Variants in SULF2 observed in about 807,000 individuals in gnomAD.
The protein encoded by SULF2 is sulfatase 2, also known as extracellular sulfatase Sulf-2.
A neutral mutation model predicts 107.7 loss-of-function variants in SULF2; 52 were observed. That is an observed-to-expected ratio of 0.48 (90% CI 0.39 to 0.61). The LOEUF (loss-of-function observed/expected upper bound fraction) is 0.61. SULF2 is among the 20% of genes least tolerant of loss of function. SULF2 has a pLI of 0.00. For synonymous variants in SULF2, 460 were observed against 464.3 expected, an observed-to-expected ratio of 0.99 and a Z score of 0.12; for missense variants, 993 against 1,177.3, an observed-to-expected ratio of 0.84 and a Z score of 2.29.
At chr20:47,752,183 G>A (rs912999277) in intron 2 of SULF2, among the ~76,000 whole-genome samples, 28 of 152,244 alleles carry the variant, frequency 1.8e-4, no homozygotes, top group Admixed American at 5.2e-4. Context: ...GGCCCAGGGT[G>A]CTCTAACAGA....
intron 7 of SULF2, among the ~76,000 whole-genome samples, chr20:47,682,707 C>G (rs964602939): frequency 6.6e-6 from 1 of 152,186 alleles, no homozygotes; most frequent in African/African-American, 2.4e-5. Context: ...ACCATTCCCA[C>G]CCGCTGGTGA....
At chr20:47,781,471 C>T (rs537024416) in intron 1 of SULF2, among the ~76,000 whole-genome samples, 12 of 152,320 alleles carry the variant, frequency 7.9e-5, no homozygotes, top group South Asian at 2.1e-4. Flanking sequence ...TAGCCAGTGA[C>T]TGGTTTGGAC....
intron 11 of SULF2, among the ~76,000 whole-genome samples, chr20:47,669,273 C>A (rs1176114825): frequency 6.6e-6 from 1 of 152,150 alleles, no homozygotes; most frequent in Non-Finnish European, 1.5e-5. Context: ...TGTGAGCTGG[C>A]TGGCTCTGCC....
At chr20:47,785,226 G>A (rs2090903483) in intron 1 of SULF2, 117 bp downstream of exon 1, 1 of 142,056 alleles carries the variant, frequency 7.0e-6, no homozygotes, top group African/African-American at 2.5e-5. Context: ...ACCAGCCCCG[G>A]CTCACCTGGG....
intron 3 of SULF2, among the ~76,000 whole-genome samples, chr20:47,717,862 G>A (rs1439509726): frequency 6.7e-6 from 1 of 148,168 alleles, no homozygotes; most frequent in Non-Finnish European, 1.5e-5. Flanking sequence ...CACCCAGGCT[G>A]GAGTTCAGTG....
intron 1 of SULF2, among the ~76,000 whole-genome samples, chr20:47,783,970 G>A (rs2090876742): frequency 2.6e-5 from 4 of 152,168 alleles, no homozygotes; most frequent in African/African-American, 9.7e-5. Context: ...TATACTTAAC[G>A]ATTGGCTCTA....
chr20:47,742,606 G>A (rs2089910522), intron 2 of SULF2, among the ~76,000 whole-genome samples: 1 of 152,046 alleles, frequency 6.6e-6, no homozygotes, highest in Admixed American at 6.6e-5. Flanking sequence ...GGCTTTTTGG[G>A]GGCCTGTGTA....
intron 1 of SULF2, among the ~76,000 whole-genome samples, chr20:47,771,992 C>T (rs1600688013): frequency 1.3e-5 from 2 of 152,326 alleles, no homozygotes; most frequent in East Asian, 3.9e-4. Context: ...ATGGTACAGC[C>T]TGATCTGCTC....
intron 3 of SULF2, among the ~76,000 whole-genome samples, chr20:47,722,600 T>G (rs2089324506): frequency 6.6e-6 from 1 of 152,104 alleles, no homozygotes; most frequent in Non-Finnish European, 1.5e-5. Context: ...ACCTGCCTGG[T>G]GCTATTTTTG....
intron 3 of SULF2, among the ~76,000 whole-genome samples, chr20:47,727,903 G>C (rs2089487991): frequency 6.6e-6 from 1 of 152,226 alleles, no homozygotes; most frequent in South Asian, 2.1e-4. Flanking sequence ...GAGAAAGGAA[G>C]TGACTATCAA....
At chr20:47,737,746 C>CTTTTTTTTT (rs1555850608) in intron 2 of SULF2, among the ~76,000 whole-genome samples, 2 of 113,972 alleles carry the variant, frequency 1.8e-5, no homozygotes, top group African/African-American at 6.6e-5. Context: ...TTGTTTCTTT[C>CTTTTTTTTT]TTTTCTTTGT....
rs758150693 is a variant in SULF2 at position 47,684,502 on chromosome 20, T to C, written c.817A>G (p.Met273Val). The change falls in exon 6 of 21, where the codon ATG becomes GTG. Residue 273 changes from methionine (M) to valine (V), a missense_variant. Met to Val is a conservative substitution (Grantham distance 21). Coordinates refer to ENST00000688720, the MANE Select transcript of SULF2 (RefSeq NM_001387048.1). ...CGCTGGAGCATGTTGGTGAATTCCA[T>C]GTGGATGGGCTTCATGGGCCCCGTG... ...RYTGPMKPIH[M>V]EFTNMLQRKR... 5.6e-6 allele frequency: 9 copies of C among 1,614,012 alleles called. No homozygotes were observed. The Middle Eastern group carries it at 5.0e-4, about 89-fold the overall frequency.
Position 47,694,089 on chromosome 20 carries a change from C to A in SULF2, c.568-3794G>T, listed in dbSNP as rs1246217535. On this transcript the variant is annotated intron_variant, in intron 4 of 20. Transcript: ENST00000688720. This position sits in a 1 kb window ranked among gnomAD's most constrained non-coding sequence, Gnocchi z 4.4. ...TAGCTCCGCAATGCCACATGACACACCTGCCTCCAAAGCTGCCACCCTGCT... is the reference window on the plus strand; with the variant it reads ...TAGCTCCGCAATGCCACATGACACAACTGCCTCCAAAGCTGCCACCCTGCT... Among the ~76,000 whole-genome samples the A allele has an allele frequency of 6.6e-6, 1 of 152,254 alleles. No homozygotes were observed. Among genetic ancestry groups the A allele is most frequent in the Non-Finnish European group, 1.5e-5 (1 of 68,044 alleles).
intron 10 of SULF2, among the ~76,000 whole-genome samples, chr20:47,673,899 G>A (rs2087557262): frequency 2.0e-5 from 3 of 152,204 alleles, no homozygotes; most frequent in African/African-American, 4.8e-5. Context: ...AGCTGTGTGC[G>A]CTGGCGAGCA....
At chr20:47,667,014 C>T (rs527271398) in intron 11 of SULF2, among the ~76,000 whole-genome samples, 10 of 152,144 alleles carry the variant, frequency 6.6e-5, no homozygotes, top group South Asian at 2.1e-4. Flanking sequence ...TTTGTGGGTA[C>T]GGGGTTCCCT....
Position 47,666,240 on chromosome 20 carries a change from A to C in SULF2, c.1805+20T>G. The C allele has an allele frequency of 6.2e-7, 1 of 1,610,630 alleles. No homozygotes were observed. ...GTCTGTCCTGTCCCCTTCACCCTCG[A>C]CTTCCACCTGGACACTCACCGATGT... On this transcript the variant is annotated intron_variant, in intron 12 of 20. Transcript: ENST00000688720. This position sits in a 1 kb window ranked among gnomAD's most constrained non-coding sequence, Gnocchi z 5.4.
At chr20:47,659,324 T>A (rs970390590) in intron 20 of SULF2, 75 bp downstream of exon 20, 4 of 1,354,212 alleles carry the variant, frequency 3.0e-6, no homozygotes, top group Non-Finnish European at 3.2e-6. Context: ...AGAAATGGCA[T>A]GCAAATAGAA....
chr20:47,763,828 C>G (rs1009717910), intron 1 of SULF2, among the ~76,000 whole-genome samples: 3 of 152,198 alleles, frequency 2.0e-5, no homozygotes, highest in African/African-American at 4.8e-5. Context: ...CATCAAGCAG[C>G]CAGACAGATC....
At chr20:47,765,143 A>G (rs1383878234) in intron 1 of SULF2, among the ~76,000 whole-genome samples, 1 of 152,080 alleles carries the variant, frequency 6.6e-6, no homozygotes, top group Non-Finnish European at 1.5e-5. Flanking sequence ...CGAGGTCAGG[A>G]GATCGAGACC....
Sources: gnomAD v4.1 joint callset for allele counts (sites outside exome capture counted in the v4.1 genomes callset) on GRCh38, gnomAD v4.1.1 for gene constraint, Gnocchi (gnomAD v3.1) non-coding constraint, MANE v1.5 for transcripts, NCBI Gene and HGNC (gene_info 2026-07-23, HGNC 2026-07-21) for gene names.